The following WLS variants were observed in gnomAD, a reference collection of about 807,000 sequenced individuals.
WLS encodes the protein Wnt ligand secretion mediator.
In WLS, 23 loss-of-function variants were observed where a neutral mutation model predicts 62.8. The observed-to-expected ratio is 0.37, with a 90% CI of 0.26 to 0.52. WLS has a LOEUF of 0.52. Among genes scored for constraint, WLS ranks in the 20% least tolerant of loss-of-function variants. WLS has a pLI of 0.92. For missense variants in WLS, 615 were observed against 697.3 expected (o/e 0.88, Z 1.33); for synonymous variants, 246 against 244.1 (o/e 1.01, Z -0.07).
At chr1:68,129,179 C>T (rs1000620211) in intron 11 of WLS, among the ~76,000 whole-genome samples, 25 of 152,032 alleles carry the variant, frequency 1.6e-4, no homozygotes, top group African/African-American at 5.8e-4. Context: ...AAAAAATTAA[C>T]CGGGTGTGGT....
At chr1:68,107,136 A>G (rs573125800) in intron 11 of WLS, among the ~76,000 whole-genome samples, 1 of 152,258 alleles carries the variant, frequency 6.6e-6, no homozygotes, top group South Asian at 2.1e-4. Flanking sequence ...AATAAGACAA[A>G]ATTATGCATA....
chr1:68,118,875 C>CAAAAAAAAAAAAAAAAAAAA lies in WLS; in HGVS notation c.1510+18885_1510+18904dup, dbSNP rs33982774. ...CTGGGTGACGAGCAAGACTCTGTCT[C>CAAAAAAAAAAAAAAAAAAAA]AAAAAAAAAAAAAAAAAAAAAAAAA... On this transcript the variant is annotated intron_variant, in intron 11 of 11. Coordinates refer to the WLS transcript ENST00000354777. Among the ~76,000 whole-genome samples the CAAAAAAAAAAAAAAAAAAAA allele has an allele frequency of 5.7e-4, 15 of 26,386 alleles. 3 individuals carry two copies. The highest frequency in any genetic ancestry group is 9.0e-4 in the Non-Finnish European group (13 of 14,368). 17.3% of individuals were successfully genotyped at this position (26,386 alleles called of 152,430 possible).
chr1:68,107,209 C>A (rs1291631645), intron 11 of WLS, among the ~76,000 whole-genome samples: 2 of 151,754 alleles, frequency 1.3e-5, no homozygotes, highest in Non-Finnish European at 2.9e-5. Context: ...TTAAATAGAT[C>A]CTTTTGTATA....
chr1:68,176,615 T>C (rs1049781078), intron 2 of WLS, among the ~76,000 whole-genome samples: 5 of 152,236 alleles, frequency 3.3e-5, no homozygotes, highest in Admixed American at 1.3e-4. Flanking sequence ...AGGCCCTCTG[T>C]CTTTCAGCAG....
intron 1 of WLS, among the ~76,000 whole-genome samples, chr1:68,210,312 G>A (rs1198186385): frequency 6.6e-6 from 1 of 152,190 alleles, no homozygotes; most frequent in Non-Finnish European, 1.5e-5. Flanking sequence ...TTTAACTGGA[G>A]AAGAGAAAGT....
chr1:68,214,899 T>C (rs1177859787), intron 1 of WLS, among the ~76,000 whole-genome samples: 1 of 152,232 alleles, frequency 6.6e-6, no homozygotes, highest in African/African-American at 2.4e-5. Flanking sequence ...TCAGGCTTCA[T>C]TGGAAAGACT....
chr1:68,098,975 T>C, intron 11 of WLS: 1 of 592,518 alleles, frequency 1.7e-6, no homozygotes, highest in Non-Finnish European at 2.7e-6. Flanking sequence ...CCCTCAATTA[T>C]TGTGACAATC....
At chr1:68,105,017 G>A (rs1194048576) in intron 11 of WLS, among the ~76,000 whole-genome samples, 2 of 152,236 alleles carry the variant, frequency 1.3e-5, no homozygotes, top group African/African-American at 4.8e-5. Context: ...GTCACTGCCT[G>A]TGCATAGTTG....
intron 2 of WLS, among the ~76,000 whole-genome samples, chr1:68,165,115 A>C (rs1473215157): frequency 6.6e-6 from 1 of 152,176 alleles, no homozygotes; most frequent in Non-Finnish European, 1.5e-5. Flanking sequence ...CTGTGTTGAA[A>C]AGGGTGCTTG....
intron 9 of WLS, 70 bp downstream of exon 9, chr1:68,145,799 G>A: frequency 1.3e-6 from 2 of 1,591,992 alleles, no homozygotes; most frequent in Non-Finnish European, 1.7e-6. Context: ...TCCAGGGTGT[G>A]TGTGTTTACA....
chr1:68,166,185 T>C (rs1351238432), intron 2 of WLS, among the ~76,000 whole-genome samples: 1 of 152,196 alleles, frequency 6.6e-6, no homozygotes, highest in African/African-American at 2.4e-5. Flanking sequence ...GGACAGAATA[T>C]TTTATTTTAA....
At chr1:68,156,827 G>A (rs1646906749) in intron 3 of WLS, among the ~76,000 whole-genome samples, 1 of 152,112 alleles carries the variant, frequency 6.6e-6, no homozygotes, top group African/African-American at 2.4e-5. Context: ...GGGCTCTGCA[G>A]GTACTACTAA....
At chr1:68,206,494 T>A (rs995387307) in intron 1 of WLS, among the ~76,000 whole-genome samples, 1 of 152,188 alleles carries the variant, frequency 6.6e-6, no homozygotes, top group Admixed American at 6.5e-5. Context: ...GCAGAGGGCA[T>A]TTGAGCACCG....
chr1:68,137,658 G>A (rs1251437800), intron 11 of WLS, 122 bp downstream of exon 11: 1 of 1,143,592 alleles, frequency 8.7e-7, no homozygotes, highest in Non-Finnish European at 1.2e-6. Flanking sequence ...GTCTCCCAGT[G>A]TGAGGAGTAT....
chr1:68,131,061 T>TG (rs1188857851), intron 11 of WLS, among the ~76,000 whole-genome samples: 8 of 32,872 alleles, frequency 2.4e-4, no homozygotes, highest in Admixed American at 8.2e-4. Flanking sequence ...CCCAGCTAAT[T>TG]TTGTGTGTGT....
At chr1:68,220,891 G>GT (rs1649913767) in intron 1 of WLS, among the ~76,000 whole-genome samples, 1 of 152,050 alleles carries the variant, frequency 6.6e-6, no homozygotes, top group African/African-American at 2.4e-5. Flanking sequence ...AAATATTACT[G>GT]TTTCATATAT....
chr1:68,206,226 G>T (rs1228906687), intron 1 of WLS, among the ~76,000 whole-genome samples: 2 of 152,206 alleles, frequency 1.3e-5, no homozygotes, highest in East Asian at 1.9e-4. Context: ...GTAGAAGCTG[G>T]AGATGTATAG....
intron 1 of WLS, among the ~76,000 whole-genome samples, chr1:68,204,185 A>T (rs1308731030): frequency 3.3e-5 from 5 of 151,686 alleles, no homozygotes; most frequent in African/African-American, 1.2e-4. Flanking sequence ...AAGAATAATC[A>T]TATTTCCTTC....
intron 11 of WLS, among the ~76,000 whole-genome samples, chr1:68,105,988 C>G (rs1221151489): frequency 1.3e-5 from 2 of 151,868 alleles, no homozygotes; most frequent in Non-Finnish European, 2.9e-5. Context: ...CTCTTTTTTC[C>G]TTCAGAATGA....
Sources: allele counts gnomAD v4.1 joint callset (sites outside exome capture counted in the v4.1 genomes callset), GRCh38; gene constraint gnomAD v4.1.1; transcripts MANE v1.5; gene names NCBI Gene and HGNC (gene_info 2026-07-23, HGNC 2026-07-21).